SGCZ: variants seen among roughly 807,000 people sequenced by gnomAD.
SGCZ encodes the protein sarcoglycan zeta.
Under a neutral mutation model 41.3 loss-of-function variants are expected in SGCZ, and 40 were observed. The ratio of observed to expected loss-of-function variants is 0.97; its 90% CI spans 0.75 to 1.26. The LOEUF (loss-of-function observed/expected upper bound fraction) is 1.26. Among genes scored for constraint, SGCZ ranks in the 50% most tolerant of loss-of-function variants. The pLI is 0.00. For synonymous variants in SGCZ, 206 were observed against 137.5 expected (o/e 1.50, Z -3.49); for missense variants, 552 against 369.8 (o/e 1.49, Z -4.04).
chr8:14,673,881 C>T (rs1255191555), intron 1 of SGCZ, among the ~76,000 whole-genome samples: 1 of 152,072 alleles, frequency 6.6e-6, no homozygotes. Flanking sequence ...AATGTATGAT[C>T]TGTGATATAC....
chr8:14,726,346 TTAGA>T (rs1810057471), intron 1 of SGCZ, among the ~76,000 whole-genome samples: 7 of 94,452 alleles, frequency 7.4e-5, no homozygotes, highest in South Asian at 3.6e-4. Flanking sequence ...ATATATAAAA[TTAGA>T]TAGGATTTTA....
intron 4 of SGCZ, among the ~76,000 whole-genome samples, chr8:14,198,858 T>A (rs1051848774): frequency 6.6e-6 from 1 of 152,208 alleles, no homozygotes; most frequent in Non-Finnish European, 1.5e-5. Flanking sequence ...TGGACACTTA[T>A]CACTTCCCCA....
At chr8:15,147,584 TC>T (rs1799070438) in intron 1 of SGCZ, among the ~76,000 whole-genome samples, 1 of 152,156 alleles carries the variant, frequency 6.6e-6, no homozygotes, top group Admixed American at 6.5e-5. Flanking sequence ...GGCTGACACT[TC>T]CGTTTTATTG....
chr8:15,163,129 G>T (rs1264310136), intron 1 of SGCZ, among the ~76,000 whole-genome samples: 1 of 152,162 alleles, frequency 6.6e-6, no homozygotes, highest in African/African-American at 2.4e-5. Context: ...GATTCTGTAC[G>T]TAACAGTTCT....
chr8:14,901,581 G>A (rs904375923), intron 1 of SGCZ, among the ~76,000 whole-genome samples: 5 of 151,960 alleles, frequency 3.3e-5, no homozygotes, highest in African/African-American at 1.2e-4. Flanking sequence ...GGACTGTTAG[G>A]TTCTTCACAC....
intron 1 of SGCZ, among the ~76,000 whole-genome samples, chr8:14,832,691 G>A (rs1293062585): frequency 6.6e-6 from 1 of 152,150 alleles, no homozygotes; most frequent in Non-Finnish European, 1.5e-5. Flanking sequence ...GAGTATATGG[G>A]TGTGTTGACT....
chr8:14,129,788 TA>T (rs1802982738), intron 5 of SGCZ, among the ~76,000 whole-genome samples: 3 of 151,780 alleles, frequency 2.0e-5, no homozygotes, highest in African/African-American at 7.3e-5. Flanking sequence ...CAAAAAAGGT[TA>T]ACAGCCAAAC....
Position 14,232,181 on chromosome 8 carries a change from G to C in SGCZ, c.424+5411C>G, listed in dbSNP as rs138920956. Among the ~76,000 whole-genome samples, 1,358 of 151,454 alleles carry C rather than the reference G, an allele frequency of 9.0e-3. 9 individuals are homozygous for C. Among genetic ancestry groups the C allele is most frequent in the Non-Finnish European group, 0.014 (955 of 67,830 alleles). On this transcript the variant is annotated intron_variant, in intron 4 of 7. Transcript: ENST00000382080. ...TTTAATTTCAATTTTTAAGTGTGTAGCTGATTGACACACTCTGAGAAGTGC... is the reference window on the plus strand; with the variant it reads ...TTTAATTTCAATTTTTAAGTGTGTACCTGATTGACACACTCTGAGAAGTGC...
chr8:14,201,947 G>A (rs1336850107), intron 4 of SGCZ, among the ~76,000 whole-genome samples: 1 of 152,140 alleles, frequency 6.6e-6, no homozygotes, highest in African/African-American at 2.4e-5. Context: ...GAAAATATAT[G>A]TAAGACTTAA....
chr8:14,244,735 T>G lies in SGCZ; in HGVS notation c.337-7056A>C, dbSNP rs548597545. 5.3e-5 allele frequency among the ~76,000 whole-genome samples: 8 copies of G among 152,186 alleles called. No homozygotes were observed. The South Asian group carries it at 1.7e-3, about 32-fold the overall frequency. On this transcript the variant is annotated intron_variant, in intron 3 of 7. Coordinates refer to ENST00000382080, the MANE Select transcript of SGCZ (RefSeq NM_139167.4). ...TCTTCCTACCCATGAGCATGGAATG[T>G]TCTTCCATTTGTTTCTATCCTCTTT...
intron 1 of SGCZ, among the ~76,000 whole-genome samples, chr8:14,785,931 A>G (rs1800752806): frequency 6.6e-6 from 1 of 151,848 alleles, no homozygotes; most frequent in African/African-American, 2.4e-5. Context: ...TACTCCCAGA[A>G]TCCAGTTCTC....
chr8:14,231,075 T>A (rs766688971), intron 4 of SGCZ, among the ~76,000 whole-genome samples: 4 of 151,902 alleles, frequency 2.6e-5, no homozygotes, highest in Non-Finnish European at 5.9e-5. Context: ...AGCCTATGTG[T>A]ATGGACTGGG....
Position 14,086,811 on chromosome 8 carries a change from A to C in SGCZ, c.*3632T>G, listed in dbSNP as rs1801535055. 6.6e-6 allele frequency among the ~76,000 whole-genome samples: 1 copy of C among 151,740 alleles called. No individual in the cohort carries two copies. The highest frequency in any genetic ancestry group is 2.4e-5 in the African/African-American group (1 of 41,400). On this transcript the variant is annotated 3_prime_UTR_variant, in exon 8 of 8. Coordinates refer to ENST00000382080, the MANE Select transcript of SGCZ (RefSeq NM_139167.4). ...TTCAACTTTTATAAGCAGCTTTTTA[A>C]GGTGCAGAAGGAGATCACAAATGCT...
intron 1 of SGCZ, among the ~76,000 whole-genome samples, chr8:14,598,613 G>A (rs915422231): frequency 4.6e-5 from 7 of 151,312 alleles, no homozygotes; most frequent in Non-Finnish European, 8.8e-5. Flanking sequence ...CTGCAGACTC[G>A]ACCCCCCCGG....
intron 1 of SGCZ, among the ~76,000 whole-genome samples, chr8:15,068,685 A>G (rs141806420): frequency 1.3e-5 from 2 of 152,344 alleles, no homozygotes; most frequent in African/African-American, 4.8e-5. Flanking sequence ...CTTGAAAACA[A>G]TAAGTGGATG....
chr8:14,683,458 C>T (rs1166519206), intron 1 of SGCZ, among the ~76,000 whole-genome samples: 1 of 152,006 alleles, frequency 6.6e-6, no homozygotes, highest in African/African-American at 2.4e-5. Context: ...CAGATATTTA[C>T]CCTAAGAAAT....
chr8:14,971,645 C>T (rs980204234), intron 1 of SGCZ, among the ~76,000 whole-genome samples: 4 of 114,652 alleles, frequency 3.5e-5, no homozygotes, highest in South Asian at 2.9e-4. Flanking sequence ...ATTTTATATA[C>T]TTTTTTTTTT....
chr8:14,924,946 C>A (rs74352248), intron 1 of SGCZ, among the ~76,000 whole-genome samples: 2,691 of 149,884 alleles, frequency 0.018, 98 homozygotes, highest in East Asian at 0.16. Context: ...CAACCTCTGC[C>A]TTTTGGGTTC....
intron 1 of SGCZ, among the ~76,000 whole-genome samples, chr8:14,908,424 T>C (rs1453257419): frequency 6.6e-6 from 1 of 151,836 alleles, no homozygotes; most frequent in Non-Finnish European, 1.5e-5. Flanking sequence ...AACAAAGAAA[T>C]AGATAAATGG....
Sources: allele counts gnomAD v4.1 joint callset (sites outside exome capture counted in the v4.1 genomes callset), GRCh38; gene constraint gnomAD v4.1.1; transcripts MANE v1.5; gene names NCBI Gene and HGNC (gene_info 2026-07-23, HGNC 2026-07-21).